The following LPA variants were observed in gnomAD, a reference collection of about 807,000 sequenced individuals.
LPA encodes apolipoprotein(a).
Under a neutral mutation model 197.9 loss-of-function variants are expected in LPA, and 199 were observed. The ratio of observed to expected loss-of-function variants is 1.01; its 90% CI spans 0.90 to 1.13. LPA has a LOEUF of 1.13. Among genes scored for constraint, LPA ranks in the 50% most tolerant of loss-of-function variants. The pLI is 0.00. For synonymous variants in LPA, 715 were observed against 639.5 expected (o/e 1.12, Z -1.78); for missense variants, 1,853 against 1,785.8 (o/e 1.04, Z -0.68).
chr6:160,634,798 C>A (rs556576475), intron 7 of LPA, among the ~76,000 whole-genome samples: 1 of 146,898 alleles, frequency 6.8e-6, no homozygotes, highest in Non-Finnish European at 1.5e-5. Flanking sequence ...CTTACTGCGA[C>A]AGAAAGAATC....
chr6:160,568,007 C>G (rs550982431), intron 28 of LPA, among the ~76,000 whole-genome samples: 118 of 152,252 alleles, frequency 7.8e-4, no homozygotes, highest in African/African-American at 2.7e-3. Context: ...TAATTAAGAG[C>G]CTACCAACCA....
At chr6:160,562,478 T>C (rs1195890074) in intron 28 of LPA, among the ~76,000 whole-genome samples, 1 of 152,224 alleles carries the variant, frequency 6.6e-6, no homozygotes, top group Non-Finnish European at 1.5e-5. Flanking sequence ...GCCAGTATTT[T>C]ATTGAGGATT....
chr6:160,647,398 A>T (rs1779914558), intron 2 of LPA, among the ~76,000 whole-genome samples: 1 of 152,098 alleles, frequency 6.6e-6, no homozygotes, highest in South Asian at 2.1e-4. Context: ...TGGCTGCCTG[A>T]GAAAATGGGA....
chr6:160,533,345 G>A lies in LPA; in HGVS notation c.5843-696C>T, dbSNP rs41266367. 7.4e-4 allele frequency among the ~76,000 whole-genome samples: 112 copies of A among 152,324 alleles called. 1 individual carries two copies. The highest frequency in any genetic ancestry group is 2.5e-3 in the African/African-American group (102 of 41,566). ...ACCTTTCCAGGCACAAGCTCATAATGTGGTATATCTCACTTAATCCTCACA... is the reference window on the plus strand; with the variant it reads ...ACCTTTCCAGGCACAAGCTCATAATATGGTATATCTCACTTAATCCTCACA... On this transcript the variant is annotated intron_variant, in intron 37 of 38. Coordinates refer to ENST00000316300, the MANE Select transcript of LPA (RefSeq NM_005577.4).
intron 22 of LPA, 42 bp downstream of exon 22, chr6:160,593,916 A>T (rs1257394218): frequency 6.2e-7 from 1 of 1,610,292 alleles, no homozygotes; most frequent in Admixed American, 1.7e-5. Context: ...GAGAAATGTA[A>T]GGGGGCTGCT....
chr6:160,599,209 G>A (rs1416535575), intron 20 of LPA, among the ~76,000 whole-genome samples: 1 of 152,146 alleles, frequency 6.6e-6, no homozygotes, highest in Non-Finnish European at 1.5e-5. Context: ...CGGGTGTGGT[G>A]GTGGGTGCCT....
chr6:160,643,083 A>AGATTGTGTGT (rs1554242208), intron 4 of LPA, among the ~76,000 whole-genome samples: 67 of 130,692 alleles, frequency 5.1e-4, no homozygotes, highest in Middle Eastern at 4.5e-3. Context: ...GTGTGTTTTC[A>AGATTGTGTGT]GTGTGTGTGT....
chr6:160,533,898 T>C (rs1777844069), intron 37 of LPA, among the ~76,000 whole-genome samples: 1 of 152,186 alleles, frequency 6.6e-6, no homozygotes. Flanking sequence ...CCAGAGGAAA[T>C]GCTGTTTTTC....
chr6:160,576,670 T>TTGTGTG (rs369546569), intron 28 of LPA, among the ~76,000 whole-genome samples: 14 of 104,240 alleles, frequency 1.3e-4, no homozygotes, highest in African/African-American at 4.1e-4. Context: ...ATTCAGATGT[T>TTGTGTG]TGTGTGTGTG....
In LPA at chr6:160,660,191, C is replaced by T. The variant is rs532201111; in HGVS notation, c.49+3975G>A. 6.6e-5 allele frequency among the ~76,000 whole-genome samples: 10 copies of T among 152,296 alleles called. No individual in the cohort carries two copies. In the East Asian group the frequency reaches 1.2e-3, roughly 18 times the overall value. ...CACTCAGATGTATACTAACTGCAAC[C>T]GTGTATCTCTTAGGAATTTCTCCTT... On this transcript the variant is annotated intron_variant, in intron 1 of 38. Coordinates refer to ENST00000316300, the MANE Select transcript of LPA (RefSeq NM_005577.4).
At chr6:160,532,757 C>G (rs1459416509) in intron 37 of LPA, 108 bp from the exon 38 acceptor site, 1 of 784,924 alleles carries the variant, frequency 1.3e-6, no homozygotes, top group Non-Finnish European at 2.3e-6. Context: ...GTCCGTGAGG[C>G]TGCAGAACAC....
At chr6:160,574,036 G>T (rs996886897) in intron 28 of LPA, among the ~76,000 whole-genome samples, 1 of 152,138 alleles carries the variant, frequency 6.6e-6, no homozygotes, top group Non-Finnish European at 1.5e-5. Context: ...GACTAGGCGT[G>T]TCTGAGCTCA....
At chr6:160,548,927 C>A (rs969901821) in intron 30 of LPA, among the ~76,000 whole-genome samples, 6 of 152,072 alleles carry the variant, frequency 3.9e-5, no homozygotes, top group African/African-American at 7.2e-5. Flanking sequence ...AGGAAATACC[C>A]GAGACAGACT....
intron 28 of LPA, among the ~76,000 whole-genome samples, chr6:160,565,502 C>T (rs1778435574): frequency 1.3e-5 from 2 of 152,172 alleles, no homozygotes; most frequent in South Asian, 4.1e-4. Context: ...AAAAGACATC[C>T]ACACCAAAAC....
chr6:160,544,786 T>A (rs41264864), intron 33 of LPA, among the ~76,000 whole-genome samples: 3,250 of 152,222 alleles, frequency 0.021, 96 homozygotes, highest in African/African-American at 0.074. Flanking sequence ...CCCCATGGAT[T>A]TGTTACCCCA....
chr6:160,534,480 C>T (rs983385068), intron 37 of LPA, among the ~76,000 whole-genome samples: 1 of 152,090 alleles, frequency 6.6e-6, no homozygotes, highest in African/African-American at 2.4e-5. Flanking sequence ...GACAGGGCCA[C>T]GGGATCAGCC....
At chr6:160,561,715 T>C (rs1417046618) in intron 28 of LPA, among the ~76,000 whole-genome samples, 1 of 152,236 alleles carries the variant, frequency 6.6e-6, no homozygotes, top group Non-Finnish European at 1.5e-5. Context: ...TGGAATGTTT[T>C]TCCATTTGTT....
rs542019298 is a variant in LPA, at chr6:160,662,432, G to A, written c.49+1734C>T. Among the ~76,000 whole-genome samples the A allele has an allele frequency of 3.9e-5, 6 of 152,168 alleles. 1 individual carries two copies. Among genetic ancestry groups the A allele is most frequent in the Admixed American group, 6.5e-5 (1 of 15,298 alleles). ...GTAAAAGAAACTTTTTCCTCTCCCC[G>A]GGCATTCCAGCACACATTGGAAAGA... On this transcript the variant is annotated intron_variant, in intron 1 of 38. Transcript: ENST00000316300.
At chr6:160,610,018 A>G (rs1056806192) in intron 16 of LPA, among the ~76,000 whole-genome samples, 7 of 152,142 alleles carry the variant, frequency 4.6e-5, no homozygotes, top group Non-Finnish European at 1.0e-4. Flanking sequence ...TTGATATGAT[A>G]CCTGCTTTGT....
Sources: gnomAD v4.1 joint callset for allele counts (sites outside exome capture counted in the v4.1 genomes callset) on GRCh38, gnomAD v4.1.1 for gene constraint, MANE v1.5 for transcripts, NCBI Gene and HGNC (gene_info 2026-07-23, HGNC 2026-07-21) for gene names.